Variants in TRNT1 observed in about 807,000 individuals in gnomAD.
The protein encoded by TRNT1 is tRNA nucleotidyl transferase 1.
A neutral mutation model predicts 45.6 loss-of-function variants in TRNT1; 44 were observed. The observed-to-expected ratio is 0.97, with a 90% CI of 0.76 to 1.24. The LOEUF is 1.24. TRNT1 is among the 50% of genes most tolerant of loss of function. TRNT1 has a pLI of 0.00. For missense variants in TRNT1, 633 were observed against 504.4 expected (o/e 1.25, Z -2.44); for synonymous variants, 201 against 171.4 (o/e 1.17, Z -1.35).
At chr3:3,142,114 G>C (rs180810155) in intron 4 of TRNT1, among the ~76,000 whole-genome samples, 3 of 152,184 alleles carry the variant, frequency 2.0e-5, no homozygotes, top group Non-Finnish European at 4.4e-5. Flanking sequence ...AGAGCTCCAG[G>C]TATTTATTTA....
chr3:3,141,470 A>C (rs1236189560), intron 4 of TRNT1, among the ~76,000 whole-genome samples: 2 of 152,252 alleles, frequency 1.3e-5, no homozygotes, highest in Admixed American at 1.3e-4. Context: ...CTGAGCCTAC[A>C]CACAACCTCA....
Position 3,147,632 on chromosome 3 carries a change from A to C in TRNT1, c.985A>C (p.Asn329His). The C allele has an allele frequency of 1.2e-6, 2 of 1,613,862 alleles. No homozygotes were observed. Among genetic ancestry groups the C allele is most frequent in the Non-Finnish European group, 1.7e-6 (2 of 1,179,798 alleles). The change falls in exon 7 of 8, where the codon AAT (asparagine) becomes CAT (histidine). Residue 329 changes from asparagine to histidine, a missense_variant. By Grantham distance (68) the Asn-to-His change is moderately conservative. Coordinates refer to ENST00000251607, the MANE Select transcript of TRNT1 (RefSeq NM_182916.3). The part of the protein sequence containing the change: ...EKNLGLFIVK[N>H]RKDLIKATDS... Reference sequence around the variant, plus strand: ...AAACCTTGGCTTATTTATAGTTAAAAATAGGAAAGATTTAATTAAAGCAAC... The same window carrying C: ...AAACCTTGGCTTATTTATAGTTAAACATAGGAAAGATTTAATTAAAGCAAC...
chr3:3,151,070 G>C (rs1425085185), downstream of TRNT1: 1 of 1,611,946 alleles, frequency 6.2e-7, no homozygotes, highest in Non-Finnish European at 8.5e-7. Context: ...AAAGATATCA[G>C]CTAAGGAAAC....
chr3:3,139,236 T>G (rs1705498094), intron 3 of TRNT1, among the ~76,000 whole-genome samples: 1 of 152,224 alleles, frequency 6.6e-6, no homozygotes, highest in Non-Finnish European at 1.5e-5. Flanking sequence ...GGTCTGATTA[T>G]TTCTTAAAAT....
At chr3:3,127,891 C>G (rs1269912381) in intron 1 of TRNT1, 1 of 152,072 alleles carries the variant, frequency 6.6e-6, no homozygotes, top group East Asian at 1.9e-4. Flanking sequence ...TTCTCGCTGC[C>G]CAATAATGAG....
chr3:3,152,556 C>T, downstream of TRNT1: 2 of 1,614,046 alleles, frequency 1.2e-6, no homozygotes, highest in Non-Finnish European at 1.7e-6. Context: ...TGAGGATTCA[C>T]ATAAGCTGCC....
At position 3,144,704 on chromosome 3, in the gene TRNT1, A is replaced by G. The variant is rs1190054168; in HGVS notation, c.602A>G (p.Tyr201Cys). The change falls in exon 5 of 8, where the codon TAC (tyrosine) becomes TGC (cysteine). Residue 201 changes from tyrosine (Y) to cysteine (C), a missense_variant. Tyr to Cys is a radical substitution (Grantham distance 194). Transcript: ENST00000251607. ...IQEDYLRILRYFRFYGRIVDK... is the reference protein window; with the variant it reads ...IQEDYLRILRCFRFYGRIVDK... ...GAGGATTATCTTAGAATTTTAAGAT[A>G]CTTCAGGTAAGAATTTTTAAAAATA... The G allele has an allele frequency of 6.5e-7, 1 of 1,531,550 alleles. No homozygotes were observed. The highest frequency in any genetic ancestry group is 8.8e-7 in the Non-Finnish European group (1 of 1,130,940). The allele number at this position is 1,531,550 out of a possible 1,614,324, so 94.9% of individuals were successfully genotyped here.
intron 4 of TRNT1, 96 bp downstream of exon 4, chr3:3,140,744 T>C: frequency 7.0e-7 from 1 of 1,435,630 alleles, no homozygotes; most frequent in East Asian, 2.3e-5. Flanking sequence ...ACTTGAGAAG[T>C]TGCATTAATT....
intron 2 of TRNT1, among the ~76,000 whole-genome samples, chr3:3,132,731 G>GAAAA (rs369384116): frequency 9.9e-4 from 88 of 88,928 alleles, no homozygotes; most frequent in Middle Eastern, 6.5e-3. Context: ...CCTATTGAAG[G>GAAAA]AAAAAAAAAA....
intron 6 of TRNT1, 63 bp from the exon 7 acceptor site, chr3:3,147,387 T>A: frequency 6.3e-7 from 1 of 1,577,262 alleles, no homozygotes; most frequent in Non-Finnish European, 8.6e-7. Flanking sequence ...GTGGCAAGGT[T>A]TAGGATATGA....
downstream of TRNT1, chr3:3,152,483 G>C (rs1376728514): frequency 1.2e-6 from 2 of 1,613,440 alleles, no homozygotes; most frequent in Non-Finnish European, 1.7e-6. Context: ...TTCTGTAGAA[G>C]GCCGGCCTAT....
intron 2 of TRNT1, 169 bp downstream of exon 2, chr3:3,129,357 C>G: frequency 1.6e-6 from 1 of 615,622 alleles, no homozygotes; most frequent in South Asian, 2.1e-5. Context: ...CTCAAAACTC[C>G]TGGGCTCACT....
rs2126038336 is a variant in TRNT1 at position 3,148,072 on chromosome 3, T to TACA, written c.1227_1229dup (p.Gln410dup). On this transcript the variant is annotated inframe_insertion, in exon 8 of 8. Transcript: ENST00000251607. ...TCAGGAAAAGAAATTGGGGCTCTAT[T>TACA]ACAACAGTTGCGAGAACAGTGGAAA... The TACA allele has an allele frequency of 1.2e-6, 2 of 1,613,928 alleles. No homozygotes were observed. The highest frequency in any genetic ancestry group is 1.7e-6 in the Non-Finnish European group (2 of 1,179,850).
At chr3:3,132,908 T>C (rs1490909651) in intron 2 of TRNT1, among the ~76,000 whole-genome samples, 2 of 152,092 alleles carry the variant, frequency 1.3e-5, no homozygotes, top group Non-Finnish European at 2.9e-5. Context: ...TGACTTTTTC[T>C]AGGCTACTGG....
chr3:3,138,682 C>T (rs1052099520), intron 3 of TRNT1, among the ~76,000 whole-genome samples: 4 of 152,096 alleles, frequency 2.6e-5, no homozygotes, highest in African/African-American at 9.7e-5. Flanking sequence ...ACTTCATCTC[C>T]CAGTCATTGT....
chr3:3,149,198 A>G (rs1291567734), downstream of TRNT1: 3 of 152,144 alleles, frequency 2.0e-5, no homozygotes, highest in Non-Finnish European at 2.9e-5. Flanking sequence ...CACAGGGGCT[A>G]TGATGCAAGA....
intron 4 of TRNT1, among the ~76,000 whole-genome samples, chr3:3,143,941 T>A (rs1275879609): frequency 6.6e-6 from 1 of 152,250 alleles, no homozygotes; most frequent in African/African-American, 2.4e-5. Context: ...AGGTAGCCTA[T>A]TTTTCTATTT....
Position 3,146,454 on chromosome 3 carries a change from A to G in TRNT1, c.633A>G (p.Lys211=), listed in dbSNP as rs1287987690. 4 of 1,612,868 alleles carry G rather than the reference A, an allele frequency of 2.5e-6. No individual in the cohort carries two copies. The highest frequency in any genetic ancestry group is 3.4e-6 in the Non-Finnish European group (4 of 1,179,636). ...GGTTTTATGGGAGAATTGTAGACAA[A>G]CCTGGTGACCATGATCCTGAGACTT... ...YFRFYGRIVD[K]PGDHDPETLE... Residue 211 remains lysine (K), a synonymous_variant, in exon 6 of 8, where the codon AAA becomes AAG. Transcript: ENST00000251607.
At position 3,148,021 on chromosome 3, in the gene TRNT1, A is replaced by G. The variant is rs1477900696; in HGVS notation, c.1172A>G (p.His391Arg). ...ATTCCTCCATTTCCTGTAAGTGGCC[A>G]TGACATCAGAAAAGTGGGCATTTCT... ...WSIPPFPVSG[H>R]DIRKVGISSG... Residue 391 changes from histidine (H) to arginine (R), a missense_variant, in exon 8 of 8, where the codon CAT becomes CGT. Physicochemically the swap from His to Arg is conservative, Grantham distance 29. Transcript: ENST00000251607. 1.2e-6 allele frequency: 2 copies of G among 1,614,056 alleles called. No individual in the cohort carries two copies. The highest frequency in any genetic ancestry group is 1.7e-6 in the Non-Finnish European group (2 of 1,179,896).
Sources: allele counts gnomAD v4.1 joint callset (sites outside exome capture counted in the v4.1 genomes callset), GRCh38; gene constraint gnomAD v4.1.1; transcripts MANE v1.5; gene names NCBI Gene and HGNC (gene_info 2026-07-23, HGNC 2026-07-21).